KLF12: variants seen among roughly 807,000 people sequenced by gnomAD.
KLF12 encodes the protein Krueppel-like factor 12.
Under a neutral mutation model 37.8 loss-of-function variants are expected in KLF12, and 9 were observed. The ratio of observed to expected loss-of-function variants is 0.24; its 90% confidence interval spans 0.14 to 0.42. The LOEUF (loss-of-function observed/expected upper bound fraction) is 0.42. Ranked by LOEUF, KLF12 falls within the 10% of genes least tolerant of loss-of-function variation. The pLI is 1.00. For synonymous variants in KLF12, 208 were observed against 202.1 expected (o/e 1.03, Z -0.25); for missense variants, 411 against 516.0 (o/e 0.80, Z 1.97).
chr13:74,248,456 C>T, the KLF12 span, among the ~76,000 whole-genome samples: 1 of 152,044 alleles, frequency 6.6e-6, no homozygotes, highest in Admixed American at 6.6e-5. Flanking sequence ...TCATATGTTT[C>T]CAGGAAGAAT....
At chr13:74,140,889 T>TA in the KLF12 span, among the ~76,000 whole-genome samples, 4 of 151,952 alleles carry the variant, frequency 2.6e-5, no homozygotes, top group African/African-American at 4.8e-5. Flanking sequence ...CCATCTCTAC[T>TA]AAAAATACAA....
chr13:74,140,413 T>C, the KLF12 span, among the ~76,000 whole-genome samples: 1 of 152,110 alleles, frequency 6.6e-6, no homozygotes, highest in Non-Finnish European at 1.5e-5. Context: ...TAATCCCAGA[T>C]ACTCAGGAGG....
At chr13:73,885,049 C>T (rs370742176) in intron 3 of KLF12, among the ~76,000 whole-genome samples, 75 of 152,318 alleles carry the variant, frequency 4.9e-4, no homozygotes, top group African/African-American at 1.7e-3. Flanking sequence ...GGACTCAGTC[C>T]TGTACTCTCT....
the KLF12 span, among the ~76,000 whole-genome samples, chr13:74,223,946 T>C: frequency 1.3e-5 from 2 of 152,208 alleles, no homozygotes; most frequent in Non-Finnish European, 2.9e-5. Context: ...GTATCTTGTT[T>C]CTTAGGCCAA....
chr13:74,252,660 T>C, the KLF12 span, among the ~76,000 whole-genome samples: 6 of 152,228 alleles, frequency 3.9e-5, no homozygotes, highest in African/African-American at 1.4e-4. Context: ...TTATTTATTA[T>C]CCTTAATCAT....
Position 73,707,473 on chromosome 13 carries a change from G to C in KLF12, c.1027+7895C>G, listed in dbSNP as rs76061565. On this transcript the variant is annotated intron_variant, in intron 7 of 7. Transcript: ENST00000377669. ...TTACCAATATAGCTCATATTCATGA[G>C]CTATTTGATCAGGACTTACAAACAA... 3.2e-3 allele frequency among the ~76,000 whole-genome samples: 489 copies of C among 152,212 alleles called. 7 individuals are homozygous for C. The highest frequency in any genetic ancestry group is 0.011 in the African/African-American group (470 of 41,544).
chr13:74,063,090 C>CTT (rs1873705243), intron 1 of KLF12, among the ~76,000 whole-genome samples: 1 of 152,204 alleles, frequency 6.6e-6, no homozygotes, highest in Non-Finnish European at 1.5e-5. Context: ...GCCGCACCTC[C>CTT]AGCTGCCTCG....
At chr13:74,138,571 G>A (rs1326371341), upstream of KLF12, among the ~76,000 whole-genome samples, 4 of 152,154 alleles carry the variant, frequency 2.6e-5, no homozygotes, top group Admixed American at 2.6e-4. Flanking sequence ...GGGGGAAAAT[G>A]CCATTTCGTA....
At chr13:73,853,644 C>G (rs1196187736) in intron 3 of KLF12, among the ~76,000 whole-genome samples, 1 of 151,638 alleles carries the variant, frequency 6.6e-6, no homozygotes, top group Non-Finnish European at 1.5e-5. Flanking sequence ...GAAGCTGAGG[C>G]AGGAGAATCG....
At chr13:73,760,634 T>C (rs965111776) in intron 6 of KLF12, among the ~76,000 whole-genome samples, 7 of 152,170 alleles carry the variant, frequency 4.6e-5, no homozygotes, top group African/African-American at 1.7e-4. Context: ...ATGATTACTA[T>C]TAATAACGCT....
chr13:73,915,280 A>G (rs1208622201), intron 3 of KLF12, among the ~76,000 whole-genome samples: 2 of 152,154 alleles, frequency 1.3e-5, no homozygotes, highest in Non-Finnish European at 2.9e-5. Context: ...AAAATCCTCA[A>G]CATAATTGCA....
At chr13:73,889,092 T>C (rs1363341514) in intron 3 of KLF12, among the ~76,000 whole-genome samples, 2 of 152,248 alleles carry the variant, frequency 1.3e-5, no homozygotes, top group Admixed American at 6.5e-5. Context: ...TCTTCTGTTA[T>C]AATTTCTGGT....
At chr13:73,834,657 G>A (rs776917701) in intron 4 of KLF12, among the ~76,000 whole-genome samples, 5 of 152,100 alleles carry the variant, frequency 3.3e-5, no homozygotes, top group Non-Finnish European at 7.4e-5. Flanking sequence ...ATTACAAGGC[G>A]TATGCCACCA....
intron 6 of KLF12, among the ~76,000 whole-genome samples, chr13:73,745,134 G>A (rs112620289): frequency 0.012 from 1,877 of 152,288 alleles, 13 homozygotes; most frequent in South Asian, 0.035. Flanking sequence ...CGTATTCATT[G>A]TTTAAGCCGT....
At chr13:74,096,490 C>T (rs753824381) in intron 1 of KLF12, among the ~76,000 whole-genome samples, 8 of 152,128 alleles carry the variant, frequency 5.3e-5, no homozygotes, top group Non-Finnish European at 1.2e-4. Context: ...AAGATGTACA[C>T]TAAATAAAAT....
intron 7 of KLF12, among the ~76,000 whole-genome samples, chr13:73,712,215 G>A (rs1272345475): frequency 6.6e-6 from 1 of 151,924 alleles, no homozygotes; most frequent in African/African-American, 2.4e-5. Flanking sequence ...GCACATGCCT[G>A]TAATCCCAGC....
intron 2 of KLF12, among the ~76,000 whole-genome samples, chr13:73,950,875 A>G (rs1890620417): frequency 6.6e-6 from 1 of 152,184 alleles, no homozygotes; most frequent in African/African-American, 2.4e-5. Context: ...AGATGAGGCT[A>G]GCAGAAACTA....
intron 1 of KLF12, among the ~76,000 whole-genome samples, chr13:74,114,383 T>C (rs1877162422): frequency 6.6e-6 from 1 of 152,240 alleles, no homozygotes; most frequent in Non-Finnish European, 1.5e-5. Context: ...TAGGTCATTA[T>C]AATGTAAACA....
At chr13:74,001,453 T>C (rs1892279355) in intron 1 of KLF12, among the ~76,000 whole-genome samples, 1 of 152,236 alleles carries the variant, frequency 6.6e-6, no homozygotes, top group South Asian at 2.1e-4. Context: ...ACAGGTGTTG[T>C]TGGAACACAG....
Sources: gnomAD v4.1 joint callset for allele counts (sites outside exome capture counted in the v4.1 genomes callset) on GRCh38, gnomAD v4.1.1 for gene constraint, MANE v1.5 for transcripts, NCBI Gene and HGNC (gene_info 2026-07-23, HGNC 2026-07-21) for gene names.